Variants in TMEM214 observed in about 807,000 individuals in gnomAD.
TMEM214 encodes the protein transmembrane protein 214.
In TMEM214, 71 loss-of-function variants were observed where a neutral mutation model predicts 89.8. The observed-to-expected ratio is 0.79, with a 90% CI of 0.65 to 0.96. The LOEUF (loss-of-function observed/expected upper bound fraction) is 0.96. Ranked by LOEUF, TMEM214 falls within the 40% of genes least tolerant of loss-of-function variation. The pLI is 0.00. For synonymous variants in TMEM214, 332 were observed against 349.5 expected (o/e 0.95, Z 0.56); for missense variants, 754 against 843.4 (o/e 0.89, Z 1.31).
rs772123539 is a variant in TMEM214, at chr2:27,035,165, G to A, written c.382G>A (p.Asp128Asn). 2.5e-6 allele frequency: 4 copies of A among 1,614,140 alleles called. No homozygotes were observed. Among genetic ancestry groups the A allele is most frequent in the East Asian group, 4.5e-5 (2 of 44,884 alleles). ...LDVADLQKEL[D>N]KSQSVFSGNP... ...TGTGGCAGACCTGCAGAAGGAACTG[G>A]ACAAGAGCCAGAGTGTGTTCTCTGG... is the stretch of plus-strand genomic sequence containing the variant. The change falls in exon 3 of 17, where the codon GAC (aspartate) becomes AAC (asparagine). Residue 128 changes from aspartate (D) to asparagine (N), a missense_variant. Transcript: ENST00000238788.
intron 4 of TMEM214, 115 bp from the exon 5 acceptor site, chr2:27,035,855 G>T: frequency 6.3e-7 from 1 of 1,576,712 alleles, no homozygotes; most frequent in Non-Finnish European, 8.7e-7. Context: ...TGGAAAGTGT[G>T]GAGGAAGTTA....
At chr2:27,036,405 C>A in intron 5 of TMEM214, 82 bp from the exon 6 acceptor site, 1 of 1,166,126 alleles carries the variant, frequency 8.6e-7, no homozygotes, top group Non-Finnish European at 1.3e-6. Context: ...TTCCAGTTGA[C>A]ATCTCCCTTC....
chr2:27,040,779 T>C lies in TMEM214; in HGVS notation c.2012T>C (p.Leu671Pro), dbSNP rs749425607. The C allele has an allele frequency of 1.9e-6, 3 of 1,614,102 alleles. No individual in the cohort carries two copies. Among genetic ancestry groups the C allele is most frequent in the Non-Finnish European group, 2.5e-6 (3 of 1,180,030 alleles). ...GCTGTCCACTGGACCTGGCTTTGCC[T>C]ACAGGACATTACAGTGGCTTTCTTG... Reference protein sequence around the residue: ...SEAVHWTWLCLQDITVAFLDW... With the variant: ...SEAVHWTWLCPQDITVAFLDW... The change falls in exon 17 of 17, where the codon CTA becomes CCA. Residue 671 changes from leucine to proline, a missense_variant. Leu to Pro is a moderately conservative substitution (Grantham distance 98). Transcript: ENST00000238788.
chr2:27,033,542 T>A (rs1025733373), intron 1 of TMEM214, among the ~76,000 whole-genome samples: 2 of 152,048 alleles, frequency 1.3e-5, no homozygotes, highest in African/African-American at 2.4e-5. Flanking sequence ...TGCCCCCTCT[T>A]TAAGTAACCA....
chr2:27,040,966 G>A lies in TMEM214; in HGVS notation c.*129G>A, dbSNP rs531680798. The A allele has an allele frequency of 4.2e-5, 50 of 1,178,200 alleles. No individual in the cohort carries two copies. In the African/African-American group the frequency reaches 6.7e-4, roughly 16 times the overall value. 73.0% of individuals were successfully genotyped at this position (1,178,200 alleles called of 1,614,324 possible). ...GAGTTCTCTCCTAGGCAAGTGGCCA[G>A]TTGCCTCCACCTCAGTTCTTCCATC... On this transcript the variant is annotated 3_prime_UTR_variant, in exon 17 of 17. Transcript: ENST00000238788.
intron 8 of TMEM214, 148 bp downstream of exon 8, chr2:27,037,326 C>T: frequency 4.8e-6 from 4 of 840,446 alleles, no homozygotes; most frequent in South Asian, 1.5e-5. Flanking sequence ...ACAGTGACCC[C>T]TTGAAATTAT....
chr2:27,038,075 C>A lies in TMEM214; in HGVS notation c.1153-71C>A, dbSNP rs12617030. ...ATGGCCTTGCTTACGGGAAGGGGAT[C>A]ACCTCTTAGCACTCCCCGCCTCTGC... On this transcript the variant is annotated intron_variant, in intron 9 of 16. Transcript: ENST00000238788. This position sits in a 1 kb window ranked among gnomAD's most constrained non-coding sequence, Gnocchi z 4.4. The A allele has an allele frequency of 9.9e-5, 159 of 1,612,638 alleles. No homozygotes were observed. In the East Asian group the frequency reaches 3.5e-3, roughly 35 times the overall value.
At chr2:27,037,978 T>C in intron 9 of TMEM214, 168 bp from the exon 10 acceptor site, 7 of 1,561,286 alleles carry the variant, frequency 4.5e-6, no homozygotes, top group Non-Finnish European at 6.1e-6. Context: ...CCTCCTGCTT[T>C]ACAGCCTCTC....
At position 27,038,596 on chromosome 2, in the gene TMEM214, T is replaced by C; in HGVS notation, c.1293+64T>C. 1 of 1,607,876 alleles carries C rather than the reference T, an allele frequency of 6.2e-7. No individual in the cohort carries two copies. Among genetic ancestry groups the C allele is most frequent in the Middle Eastern group, 1.7e-4 (1 of 6,050 alleles). On this transcript the variant is annotated intron_variant, in intron 11 of 16. Transcript: ENST00000238788. The surrounding 1 kb of genome is among the most constrained non-coding windows in gnomAD (Gnocchi z 4.4). ...TGGATTCTAGGTTCTGAGTGGGGGC[T>C]CCTCAGCCACTGTCCCTTCCCTGAG... is the stretch of plus-strand genomic sequence containing the variant.
Position 27,033,092 on chromosome 2 carries a change from C to G in TMEM214, c.77C>G (p.Ala26Gly). Residue 26 changes from alanine (A) to glycine (G), a missense_variant, in exon 1 of 17, where the codon GCC (alanine) becomes GGC (glycine). Ala to Gly is a moderately conservative substitution (Grantham distance 60). Coordinates refer to ENST00000238788, the MANE Select transcript of TMEM214 (RefSeq NM_017727.5). Reference protein sequence around the residue: ...KGRRPGVGAGAGGRGGGRNRR... With the variant: ...KGRRPGVGAGGGGRGGGRNRR... The stretch of plus-strand genomic sequence containing the variant: ...CGGCGGCCTGGGGTCGGCGCCGGCG[C>G]CGGCGGCCGAGGAGGCGGCAGGAAC... 3 of 1,247,546 alleles carry G rather than the reference C, an allele frequency of 2.4e-6. No homozygotes were observed. The highest frequency in any genetic ancestry group is 2.0e-6 in the Non-Finnish European group (2 of 987,874). The allele number at this position is 1,247,546 out of a possible 1,614,324, so 77.3% of individuals were successfully genotyped here.
intron 8 of TMEM214, 106 bp from the exon 9 acceptor site, chr2:27,037,455 G>A: frequency 7.1e-7 from 1 of 1,403,218 alleles, no homozygotes; most frequent in Non-Finnish European, 9.9e-7. Context: ...AAGGTCCTCA[G>A]TGGCTATTCC....
chr2:27,035,626 C>A lies in TMEM214; in HGVS notation c.535C>A (p.Arg179Ser). The stretch of plus-strand genomic sequence containing the variant: ...CTACAGCCTGGTGAGCCGGGAGCTA[C>A]GTGGGATCATCCGAGGGCTGCTGGC... ...YPYSLVSREL[R>S]GIIRGLLAKA... The change falls in exon 4 of 17, where the codon CGT becomes AGT. Residue 179 changes from arginine to serine, a missense_variant. Transcript: ENST00000238788. 1 of 1,614,214 alleles carries A rather than the reference C, an allele frequency of 6.2e-7. No homozygotes were observed. The highest frequency in any genetic ancestry group is 8.5e-7 in the Non-Finnish European group (1 of 1,180,036).
intron 2 of TMEM214, 172 bp downstream of exon 2, chr2:27,034,438 T>A: frequency 1.4e-6 from 1 of 720,158 alleles, no homozygotes; most frequent in South Asian, 2.0e-5. Context: ...ATGCCTGCAC[T>A]TAGAATAGAA....
intron 16 of TMEM214, 39 bp from the exon 17 acceptor site, chr2:27,040,672 C>T (rs763082510): frequency 1.9e-6 from 3 of 1,608,788 alleles, no homozygotes; most frequent in Admixed American, 1.7e-5. Flanking sequence ...GACACAGCTA[C>T]TCACGTGCAT....
intron 13 of TMEM214, 104 bp from the exon 14 acceptor site, chr2:27,039,637 C>A: frequency 9.9e-7 from 1 of 1,012,920 alleles, no homozygotes; most frequent in Non-Finnish European, 1.6e-6. Context: ...GAACACAAAG[C>A]TCTGCCCAGC....
intron 8 of TMEM214, 47 bp from the exon 9 acceptor site, chr2:27,037,514 A>G: frequency 6.2e-7 from 1 of 1,613,122 alleles, no homozygotes; most frequent in Non-Finnish European, 8.5e-7. Context: ...CATATCATAC[A>G]GCTCCACTTA....
chr2:27,035,162 C>G lies in TMEM214; in HGVS notation c.379C>G (p.Leu127Val), dbSNP rs1399524350. Reference sequence around the variant, plus strand: ...GGATGTGGCAGACCTGCAGAAGGAACTGGACAAGAGCCAGAGTGTGTTCTC... The same window carrying G: ...GGATGTGGCAGACCTGCAGAAGGAAGTGGACAAGAGCCAGAGTGTGTTCTC... ...ALDVADLQKE[L>V]DKSQSVFSGN... Residue 127 changes from leucine to valine, a missense_variant, in exon 3 of 17, where the codon CTG (leucine) becomes GTG (valine). Coordinates refer to ENST00000238788, the MANE Select transcript of TMEM214 (RefSeq NM_017727.5). 6.2e-7 allele frequency: 1 copy of G among 1,614,122 alleles called. No homozygotes were observed. Among genetic ancestry groups the G allele is most frequent in the Non-Finnish European group, 8.5e-7 (1 of 1,180,024 alleles).
rs1667499909 is a variant in TMEM214 at position 27,035,237 on chromosome 2, A to G, written c.454A>G (p.Lys152Glu). 1 of 1,614,052 alleles carries G rather than the reference A, an allele frequency of 6.2e-7. No individual in the cohort carries two copies. ...GGACCTGGCCAGCTATCTCAACTAC[A>G]AGCTACAAGCTCCTCTAAGTGAACC... is the stretch of plus-strand genomic sequence containing the variant. ...LKDLASYLNY[K>E]LQAPLSEPTL... Residue 152 changes from lysine (K) to glutamate (E), a missense_variant, in exon 3 of 17, where the codon AAG becomes GAG. Transcript: ENST00000238788.
rs67511175 is a variant in TMEM214, at chr2:27,034,601, C to CTTT, written c.351+352_351+354dup. On this transcript the variant is annotated intron_variant, in intron 2 of 16. Transcript: ENST00000238788. ...TTTCTGTCTTGTCCTCTGTTTTCCTCTTTTTTTTTTTTTTTTTTTGAGTTA... is the reference window on the plus strand; with the variant it reads ...TTTCTGTCTTGTCCTCTGTTTTCCTCTTTTTTTTTTTTTTTTTTTTTTGAGTTA... 312 of 161,752 alleles carry CTTT rather than the reference C, an allele frequency of 1.9e-3. 1 individual carries two copies. Among genetic ancestry groups the CTTT allele is most frequent in the South Asian group, 5.7e-3 (62 of 10,918 alleles). 10.0% of individuals were successfully genotyped at this position (161,752 alleles called of 1,614,324 possible). A position where few individuals can be genotyped will look rare whatever the true frequency, so the allele number is the denominator to read the frequency against.
Sources: gnomAD v4.1 joint callset for allele counts (sites outside exome capture counted in the v4.1 genomes callset) on GRCh38, gnomAD v4.1.1 for gene constraint, Gnocchi (gnomAD v3.1) non-coding constraint, MANE v1.5 for transcripts, NCBI Gene and HGNC (gene_info 2026-07-23, HGNC 2026-07-21) for gene names.